The following HEATR4 variants were observed in gnomAD, a reference collection of about 807,000 sequenced individuals.
The protein encoded by HEATR4 is HEAT repeat-containing protein 4.
Under a neutral mutation model 108.8 loss-of-function variants are expected in HEATR4, and 95 were observed. That is an observed-to-expected ratio of 0.87 (90% CI 0.74 to 1.04). The LOEUF (loss-of-function observed/expected upper bound fraction) is 1.04. HEATR4 is among the 50% of genes least tolerant of loss of function. The pLI is 0.00. For missense variants in HEATR4, 1,152 were observed against 1,253.8 expected (o/e 0.92, Z 1.23); for synonymous variants, 443 against 459.4 (o/e 0.96, Z 0.46).
intron 2 of HEATR4, among the ~76,000 whole-genome samples, chr14:73,524,310 A>AATATATATATATATATATAT (rs58047390): frequency 1.8e-5 from 1 of 54,772 alleles, no homozygotes. Flanking sequence ...AAAAAAAAAA[A>AATATATATATATATATATAT]ATATATATAT....
At position 73,553,122 on chromosome 14, in the gene HEATR4, C is replaced by T. The variant is rs1223252333; in HGVS notation, c.-152+5629G>A. Among the ~76,000 whole-genome samples the T allele has an allele frequency of 3.5e-5, 4 of 115,560 alleles. 1 individual carries two copies. Among genetic ancestry groups the T allele is most frequent in the Admixed American group, 9.6e-5 (1 of 10,386 alleles). The allele number at this position is 115,560 out of a possible 152,430, so 75.8% of individuals were successfully genotyped here. Reference sequence around the variant, plus strand: ...CAGCACCAGGGCTGGTGCCCCACCCCGAAGGACACAAGCCTCCTGCTCAGG... The same window carrying T: ...CAGCACCAGGGCTGGTGCCCCACCCTGAAGGACACAAGCCTCCTGCTCAGG... On this transcript the variant is annotated intron_variant, in intron 1 of 17. Coordinates refer to ENST00000553558, the MANE Select transcript of HEATR4 (RefSeq NM_001220484.1).
At chr14:73,628,167 C>A in the HEATR4 span, among the ~76,000 whole-genome samples, 1 of 152,070 alleles carries the variant, frequency 6.6e-6, no homozygotes, top group African/African-American at 2.4e-5. Flanking sequence ...CTGAAGCTAC[C>A]TAGGGGCTGC....
chr14:73,498,284 T>A lies in HEATR4; in HGVS notation c.2417A>T (p.His806Leu). Residue 806 changes from histidine (H) to leucine (L), a missense_variant, in exon 14 of 18, where the codon CAC becomes CTC. Coordinates refer to ENST00000553558, the MANE Select transcript of HEATR4 (RefSeq NM_001220484.1). ...CCGTACACCTGGTGACTCTTCATAG[T>A]GGATAGCCCAGAGCAGAAGATCCGT... ...ELTDLLLWAI[H>L]YEESPGVRLE... 6.2e-7 allele frequency: 1 copy of A among 1,613,966 alleles called. No homozygotes were observed. Among genetic ancestry groups the A allele is most frequent in the Non-Finnish European group, 8.5e-7 (1 of 1,179,944 alleles).
chr14:73,578,483 C>T, the HEATR4 span, among the ~76,000 whole-genome samples: 10 of 152,132 alleles, frequency 6.6e-5, no homozygotes, highest in South Asian at 4.2e-4. Context: ...TCCATCTTGG[C>T]GTACCACACT....
rs1426486244 is a variant in HEATR4 at position 73,535,491 on chromosome 14, T to C, written c.-151-5247A>G. ...TTTCTTTTTTTTTTTTTTTTTTTTT[T>C]TTTTTTTTTTTTTTTTGCCCAGGCT... On this transcript the variant is annotated intron_variant, in intron 1 of 17. Transcript: ENST00000553558. Among the ~76,000 whole-genome samples, 24 of 38,372 alleles carry C rather than the reference T, an allele frequency of 6.3e-4. 6 individuals carry two copies. Among genetic ancestry groups the C allele is most frequent in the Non-Finnish European group, 8.0e-4 (17 of 21,374 alleles). The allele number at this position is 38,372 out of a possible 152,430, so 25.2% of individuals were successfully genotyped here. A position where few individuals can be genotyped will look rare whatever the true frequency, so the allele number is the denominator to read the frequency against.
the HEATR4 span, among the ~76,000 whole-genome samples, chr14:73,629,889 C>T: frequency 3.2e-4 from 48 of 151,838 alleles, no homozygotes; most frequent in African/African-American, 9.2e-4. Context: ...CTTTGAGATC[C>T]GCCCTCCTCG....
chr14:73,628,726 C>G, the HEATR4 span, among the ~76,000 whole-genome samples: 1 of 149,752 alleles, frequency 6.7e-6, no homozygotes, highest in East Asian at 1.9e-4. Flanking sequence ...GCACTGCAGC[C>G]TGGGCAACAA....
At chr14:73,570,813 G>A in the HEATR4 span, among the ~76,000 whole-genome samples, 2 of 150,538 alleles carry the variant, frequency 1.3e-5, no homozygotes, top group Admixed American at 6.6e-5. Context: ...GTTGAGGCAG[G>A]AGAATCGCTG....
the HEATR4 span, chr14:73,612,539 G>A: frequency 8.0e-7 from 1 of 1,257,780 alleles, no homozygotes; most frequent in East Asian, 3.1e-5. Flanking sequence ...TGACTCCGCG[G>A]AGCTGGGTCG....
At chr14:73,587,400 T>A in the HEATR4 span, among the ~76,000 whole-genome samples, 1 of 152,024 alleles carries the variant, frequency 6.6e-6, no homozygotes. Flanking sequence ...TCACCCTAGC[T>A]GGAGTGTAGT....
At chr14:73,604,984 G>A in the HEATR4 span, among the ~76,000 whole-genome samples, 387 of 152,174 alleles carry the variant, frequency 2.5e-3, 4 homozygotes, top group African/African-American at 8.8e-3. Flanking sequence ...GGGTCTTGTG[G>A]CACCTCCTGT....
intron 11 of HEATR4, 88 bp from the exon 12 acceptor site, chr14:73,500,818 C>T (rs1459644748): frequency 5.4e-6 from 7 of 1,306,610 alleles, no homozygotes; most frequent in Admixed American, 2.1e-5. Context: ...TGATAAAATC[C>T]GGGTTCTGTA....
At chr14:73,606,106 C>G in the HEATR4 span, among the ~76,000 whole-genome samples, 39 of 152,260 alleles carry the variant, frequency 2.6e-4, no homozygotes, top group South Asian at 7.9e-3. Context: ...TTCCCACCAC[C>G]CACCAAGTTG....
chr14:73,505,890 C>CTT (rs139879719), intron 10 of HEATR4, among the ~76,000 whole-genome samples: 15,651 of 113,298 alleles, frequency 0.14, 1,900 homozygotes, highest in Non-Finnish European at 0.21. Flanking sequence ...ATAAACGTTT[C>CTT]TTTTTTTTTT....
At chr14:73,500,403 G>C (rs574120226) in intron 12 of HEATR4, 147 bp downstream of exon 12, 110 of 760,088 alleles carry the variant, frequency 1.4e-4, no homozygotes, top group Non-Finnish European at 2.1e-4. Flanking sequence ...AAACAGTCCT[G>C]TTTGAAGTGG....
the HEATR4 span, among the ~76,000 whole-genome samples, chr14:73,632,738 G>A: frequency 6.6e-6 from 1 of 151,144 alleles, no homozygotes. Context: ...CAGCTACTAG[G>A]GAGGCTGAGG....
intron 3 of HEATR4, 105 bp from the exon 4 acceptor site, chr14:73,521,144 CTATACACG>C: frequency 2.1e-6 from 2 of 967,440 alleles, no homozygotes; most frequent in East Asian, 2.4e-5. Context: ...AGCTCAGCTC[CTATACACG>C]TGAGCATTGC....
upstream of HEATR4, among the ~76,000 whole-genome samples, chr14:73,560,970 A>G (rs189752268): frequency 6.6e-6 from 1 of 152,256 alleles, no homozygotes; most frequent in Admixed American, 6.5e-5. Context: ...CAGCATACTC[A>G]CAATAGCCAA....
At chr14:73,481,933 G>A (rs749337369) in intron 17 of HEATR4, among the ~76,000 whole-genome samples, 3 of 152,118 alleles carry the variant, frequency 2.0e-5, no homozygotes, top group Non-Finnish European at 2.9e-5. Flanking sequence ...GGGCAGTTGA[G>A]GCTGCAGTGA....
Sources: gnomAD v4.1 joint callset for allele counts (sites outside exome capture counted in the v4.1 genomes callset) on GRCh38, gnomAD v4.1.1 for gene constraint, MANE v1.5 for transcripts, NCBI Gene and HGNC (gene_info 2026-07-23, HGNC 2026-07-21) for gene names.